The following GRAMD1C variants were observed in gnomAD, a reference collection of about 807,000 sequenced individuals.
GRAMD1C encodes the protein GRAM domain containing 1C, also known as protein Aster-C.
A neutral mutation model predicts 97.8 loss-of-function variants in GRAMD1C; 89 were observed. The ratio of observed to expected loss-of-function variants is 0.91; its 90% CI spans 0.77 to 1.09. The LOEUF is 1.09. Among genes scored for constraint, GRAMD1C ranks in the 50% least tolerant of loss-of-function variants. GRAMD1C has a pLI of 0.00. For missense variants in GRAMD1C, 740 were observed against 766.4 expected (o/e 0.97, Z 0.41); for synonymous variants, 256 against 267.0 (o/e 0.96, Z 0.40).
chr3:113,884,894 TC>T lies in GRAMD1C; in HGVS notation c.540+2069del, dbSNP rs1332356813. Among the ~76,000 whole-genome samples, 9 of 122,134 alleles carry T rather than the reference TC, an allele frequency of 7.4e-5. 1 individual carries two copies. In the South Asian group the frequency reaches 8.2e-4, roughly 11 times the overall value. The allele number at this position is 122,134 out of a possible 152,430, so 80.1% of individuals were successfully genotyped here. A position where few individuals can be genotyped will look rare whatever the true frequency, so the allele number is the denominator to read the frequency against. ...AGGCGCAGCGGACCACTCTCCGCTT[TC>T]CCCCCCTTCCCCTCCCCCTCCCTTT... On this transcript the variant is annotated intron_variant, in intron 6 of 17. Coordinates refer to ENST00000358160, the MANE Select transcript of GRAMD1C (RefSeq NM_017577.5).
At chr3:113,857,134 C>T (rs888218861) in intron 2 of GRAMD1C, among the ~76,000 whole-genome samples, 1 of 151,818 alleles carries the variant, frequency 6.6e-6, no homozygotes, top group Non-Finnish European at 1.5e-5. Context: ...CCACCATGCT[C>T]AGCCCTATAT....
intron 6 of GRAMD1C, 51 bp downstream of exon 6, chr3:113,882,883 A>G (rs764147384): frequency 1.2e-6 from 1 of 824,042 alleles, no homozygotes; most frequent in African/African-American, 1.7e-5. Flanking sequence ...CTCCTAGTGT[A>G]TTTGTGAATT....
At chr3:113,868,443 C>T (rs1157443929) in intron 2 of GRAMD1C, among the ~76,000 whole-genome samples, 1 of 152,072 alleles carries the variant, frequency 6.6e-6, no homozygotes, top group Non-Finnish European at 1.5e-5. Flanking sequence ...CCCTCCTGTC[C>T]CATGGGTTGT....
chr3:113,911,667 CTTTCTCTCTCTCTTTCTCTCTCTGT>C (rs1936584340), intron 9 of GRAMD1C, among the ~76,000 whole-genome samples: 2 of 97,960 alleles, frequency 2.0e-5, no homozygotes, highest in East Asian at 3.1e-4. Context: ...CTTTCTTTTC[CTTTCTCTCTCTCTTTCTCTCTCTGT>C]TTCTTTCCTT....
rs547122845 is a variant in GRAMD1C at position 113,891,049 on chromosome 3, T to C, written c.540+8217T>C. The C allele has an allele frequency of 2.2e-5, 7 of 320,552 alleles. No homozygotes were observed. In the East Asian group the frequency reaches 3.1e-4, roughly 14 times the overall value. 19.9% of individuals were successfully genotyped at this position (320,552 alleles called of 1,614,324 possible). A position where few individuals can be genotyped will look rare whatever the true frequency, so the allele number is the denominator to read the frequency against. On this transcript the variant is annotated intron_variant, in intron 6 of 17. Coordinates refer to ENST00000358160, the MANE Select transcript of GRAMD1C (RefSeq NM_017577.5). ...GGTATCACCATTTTCACAGTAGTTA[T>C]ACCTTTTACATCTTTGGATCATTTG...
At chr3:113,871,061 A>C (rs1934792899) in intron 3 of GRAMD1C, among the ~76,000 whole-genome samples, 1 of 151,780 alleles carries the variant, frequency 6.6e-6, no homozygotes, top group Admixed American at 6.6e-5. Flanking sequence ...AACTAAAAAT[A>C]AATGATTTCT....
At chr3:113,929,293 C>A (rs1937330775) in intron 10 of GRAMD1C, among the ~76,000 whole-genome samples, 1 of 152,086 alleles carries the variant, frequency 6.6e-6, no homozygotes, top group African/African-American at 2.4e-5. Context: ...CAATTCATTC[C>A]AGGTTTTTTT....
At chr3:113,835,855 T>A (rs1709623224), upstream of GRAMD1C, among the ~76,000 whole-genome samples, 1 of 152,222 alleles carries the variant, frequency 6.6e-6, no homozygotes, top group African/African-American at 2.4e-5. Flanking sequence ...GTGACGTTTT[T>A]TATGTTTAAC....
At chr3:113,919,218 G>A (rs1258994340) in intron 10 of GRAMD1C, 3 of 371,956 alleles carry the variant, frequency 8.1e-6, no homozygotes, top group Admixed American at 3.7e-5. Context: ...TGGCCGTGCT[G>A]ACAATGAGTT....
At chr3:113,930,947 G>A in intron 11 of GRAMD1C, 115 bp downstream of exon 11, 1 of 624,306 alleles carries the variant, frequency 1.6e-6, no homozygotes, top group Non-Finnish European at 2.9e-6. Flanking sequence ...AAGAAAAAAG[G>A]GAGGAGAAAC....
chr3:113,924,853 A>G (rs1253928795), intron 10 of GRAMD1C, among the ~76,000 whole-genome samples: 2 of 152,176 alleles, frequency 1.3e-5, no homozygotes, highest in Non-Finnish European at 2.9e-5. Context: ...GATCTGTCTA[A>G]TACTGTTAAT....
chr3:113,930,180 T>C (rs1937358230), intron 10 of GRAMD1C, among the ~76,000 whole-genome samples: 1 of 152,222 alleles, frequency 6.6e-6, no homozygotes, highest in African/African-American at 2.4e-5. Flanking sequence ...GATTATATAA[T>C]CATTTATGTT....
chr3:113,885,116 T>G (rs1204076539), intron 6 of GRAMD1C, among the ~76,000 whole-genome samples: 3 of 151,456 alleles, frequency 2.0e-5, no homozygotes, highest in African/African-American at 7.3e-5. Flanking sequence ...AGCTCCCCAT[T>G]CCGCTGGGCT....
intron 17 of GRAMD1C, among the ~76,000 whole-genome samples, chr3:113,944,667 A>C (rs1046644773): frequency 1.3e-5 from 2 of 152,234 alleles, no homozygotes; most frequent in African/African-American, 4.8e-5. Flanking sequence ...TATTTGTTTT[A>C]TTAATAGTTC....
In GRAMD1C at chr3:113,940,356, C is replaced by T. The variant is rs7630027; in HGVS notation, c.1908+11C>T. 0.044 allele frequency: 56,498 copies of T among 1,278,118 alleles called. 1,430 individuals carry two copies. Among genetic ancestry groups the T allele is most frequent in the African/African-American group, 0.11 (7,251 of 68,788 alleles). 79.2% of individuals were successfully genotyped at this position (1,278,118 alleles called of 1,614,324 possible). A position where few individuals can be genotyped will look rare whatever the true frequency, so the allele number is the denominator to read the frequency against. On this transcript the variant is annotated intron_variant, in intron 17 of 17. Transcript: ENST00000358160. ...GTGATGCTTGAACAGGTAGGCAACT[C>T]GATACATCACAGTACTTAGTATCTT... is the stretch of plus-strand genomic sequence containing the variant.
At chr3:113,847,724 T>C (rs988567909) in intron 2 of GRAMD1C, among the ~76,000 whole-genome samples, 1 of 152,186 alleles carries the variant, frequency 6.6e-6, no homozygotes, top group African/African-American at 2.4e-5. Flanking sequence ...AGCACATGCC[T>C]GTAGTCCCAG....
intron 9 of GRAMD1C, chr3:113,913,054 CT>C: frequency 9.2e-7 from 1 of 1,081,698 alleles, no homozygotes; most frequent in Non-Finnish European, 1.2e-6. Context: ...TATTAGTGTC[CT>C]TACCATTCTT....
At position 113,863,179 on chromosome 3, in the gene GRAMD1C, C is replaced by T. The variant is rs918375191; in HGVS notation, c.175-6328C>T. 3.3e-5 allele frequency among the ~76,000 whole-genome samples: 5 copies of T among 152,116 alleles called. 1 individual carries two copies. Among genetic ancestry groups the T allele is most frequent in the Non-Finnish European group, 7.4e-5 (5 of 68,016 alleles). On this transcript the variant is annotated intron_variant, in intron 2 of 17. Transcript: ENST00000358160. ...CATAATAAGCAAAAAGTTGAAACAA[C>T]TTGAACATTAATCAATTGATGAATG...
upstream of GRAMD1C, among the ~76,000 whole-genome samples, chr3:113,834,367 C>T (rs1453472375): frequency 2.0e-5 from 3 of 152,020 alleles, no homozygotes; most frequent in Non-Finnish European, 4.4e-5. Context: ...TTAGTAGAGA[C>T]AGGGTTTCAC....
Sources: gnomAD v4.1 joint callset for allele counts (sites outside exome capture counted in the v4.1 genomes callset) on GRCh38, gnomAD v4.1.1 for gene constraint, MANE v1.5 for transcripts, NCBI Gene and HGNC (gene_info 2026-07-23, HGNC 2026-07-21) for gene names.